The following FECH variants were observed in gnomAD, a reference collection of about 807,000 sequenced individuals.
The protein encoded by FECH is ferrochelatase, mitochondrial.
A neutral mutation model predicts 56.9 loss-of-function variants in FECH; 40 were observed. The observed-to-expected ratio is 0.70, with a 90% CI of 0.55 to 0.92. The LOEUF (loss-of-function observed/expected upper bound fraction) is 0.92, where lower values mean the gene tolerates loss of function less well. Among genes scored for constraint, FECH ranks in the 40% least tolerant of loss-of-function variants. The pLI, the probability that FECH is intolerant of heterozygous loss-of-function variation, is 0.00. For synonymous variants in FECH, 175 were observed against 198.6 expected (o/e 0.88, Z 1.00); for missense variants, 431 against 529.1 (o/e 0.81, Z 1.82).
intron 3 of FECH, among the ~76,000 whole-genome samples, chr18:57,572,591 G>GT (rs1443854208): frequency 6.5e-5 from 9 of 137,574 alleles, no homozygotes; most frequent in Non-Finnish European, 1.4e-4. Context: ...AACGAAGTGG[G>GT]GGGGGGGGTG....
In FECH at chr18:57,546,391, C is replaced by T. The variant is rs2050721404; in HGVS notation, c.*4321G>A. Among the ~76,000 whole-genome samples the T allele has an allele frequency of 6.6e-6, 1 of 152,120 alleles. No individual in the cohort carries two copies. The highest frequency in any genetic ancestry group is 2.4e-5 in the African/African-American group (1 of 41,432). On this transcript the variant is annotated 3_prime_UTR_variant, in exon 11 of 11. Coordinates refer to ENST00000262093, the MANE Select transcript of FECH (RefSeq NM_000140.5). ...GCAGAGCCCCTAGGAATGCAGGTGCCCCCAGTCATCTACACTCTGAGCAGG... is the reference window on the plus strand; with the variant it reads ...GCAGAGCCCCTAGGAATGCAGGTGCTCCCAGTCATCTACACTCTGAGCAGG...
chr18:57,560,569 T>C (rs887935250), intron 6 of FECH, among the ~76,000 whole-genome samples: 2 of 152,214 alleles, frequency 1.3e-5, no homozygotes, highest in Non-Finnish European at 2.9e-5. Flanking sequence ...GAGGATCACC[T>C]GGGCCCAGAA....
Position 57,559,154 on chromosome 18 carries a change from C to T in FECH, c.795G>A (p.Leu265=), listed in dbSNP as rs1164886955. The change falls in exon 7 of 11, where the codon CTG becomes CTA. Residue 265 remains leucine, a synonymous_variant. Transcript: ENST00000262093. ...AAATGTTCTTACTTACAGACATGGGCAGTGAGTGAGCAGAAAACAGAATGA... is the reference window on the plus strand; with the variant it reads ...AAATGTTCTTACTTACAGACATGGGTAGTGAGTGAGCAGAAAACAGAATGA... ...EVVILFSAHS[L]PMSVVNRGDP... 1 of 1,609,052 alleles carries T rather than the reference C, an allele frequency of 6.2e-7. No individual in the cohort carries two copies. The highest frequency in any genetic ancestry group is 1.3e-5 in the African/African-American group (1 of 74,840).
intron 7 of FECH, among the ~76,000 whole-genome samples, chr18:57,555,588 A>C (rs766698432): frequency 2.6e-5 from 4 of 152,122 alleles, no homozygotes; most frequent in Non-Finnish European, 5.9e-5. Flanking sequence ...TTTCAATGCA[A>C]ATTTTAATGC....
chr18:57,584,626 A>G (rs2051337705), intron 1 of FECH, among the ~76,000 whole-genome samples: 1 of 151,948 alleles, frequency 6.6e-6, no homozygotes, highest in Non-Finnish European at 1.5e-5. Flanking sequence ...GGAGATGAGG[A>G]TTACTTCAAA....
In FECH at chr18:57,586,596, C is replaced by G. The variant is rs2051380901; in HGVS notation, c.25G>C (p.Ala9Pro). ...ACGCCCGCGGCGCGCAGGGCCGCAG[C>G]CATGTTTGCGCCGAGTGAACGCATT... MRSLGANM[A>P]AALRAAGVLL... Residue 9 changes from alanine (A) to proline (P), a missense_variant, in exon 1 of 11, where the codon GCT becomes CCT. By Grantham distance (27) the Ala-to-Pro change is conservative (BLOSUM62 -1). Coordinates refer to ENST00000262093, the MANE Select transcript of FECH (RefSeq NM_000140.5). 1 of 1,524,658 alleles carries G rather than the reference C, an allele frequency of 6.6e-7. No individual in the cohort carries two copies. Among genetic ancestry groups the G allele is most frequent in the Admixed American group, 2.0e-5 (1 of 50,800 alleles). The allele number at this position is 1,524,658 out of a possible 1,614,324, so 94.4% of individuals were successfully genotyped here.
intron 2 of FECH, among the ~76,000 whole-genome samples, chr18:57,576,478 G>A (rs2122342192): frequency 6.6e-6 from 1 of 152,198 alleles, no homozygotes; most frequent in African/African-American, 2.4e-5. Flanking sequence ...CAAAATCTGT[G>A]ACTCACAATA....
intron 1 of FECH, among the ~76,000 whole-genome samples, chr18:57,580,773 C>A (rs1231028502): frequency 6.6e-6 from 1 of 152,128 alleles, no homozygotes; most frequent in African/African-American, 2.4e-5. Context: ...GTCTCTACCA[C>A]CAAGGAGACA....
chr18:57,556,418 GC>G (rs1281376702), intron 7 of FECH, among the ~76,000 whole-genome samples: 4 of 152,112 alleles, frequency 2.6e-5, no homozygotes, highest in African/African-American at 4.8e-5. Flanking sequence ...TAAACAAGTG[GC>G]CAGGGATCAC....
intron 4 of FECH, among the ~76,000 whole-genome samples, chr18:57,568,923 A>G (rs886226831): frequency 6.6e-6 from 1 of 152,136 alleles, no homozygotes; most frequent in African/African-American, 2.4e-5. Context: ...GCCTCTCAGG[A>G]TTATCGCATT....
chr18:57,579,313 G>GTGTGTGTGTGTGTGTGTGTGTA (rs531089366), intron 2 of FECH, among the ~76,000 whole-genome samples: 1 of 143,768 alleles, frequency 7.0e-6, no homozygotes, highest in African/African-American at 2.6e-5. Context: ...GTGTGTGTGT[G>GTGTGTGTGTGTGTGTGTGTGTA]TATATATTCA....
At chr18:57,559,619 T>C (rs918782235) in intron 6 of FECH, among the ~76,000 whole-genome samples, 2 of 152,210 alleles carry the variant, frequency 1.3e-5, no homozygotes, top group Non-Finnish European at 2.9e-5. Flanking sequence ...GGAAAACAGC[T>C]TACAGGGTCT....
At chr18:57,573,087 TGA>T in intron 3 of FECH, 157 bp downstream of exon 3, 1 of 768,776 alleles carries the variant, frequency 1.3e-6, no homozygotes, top group Non-Finnish European at 2.1e-6. Context: ...TGCAATTTTC[TGA>T]TATCATATCC....
intron 2 of FECH, among the ~76,000 whole-genome samples, chr18:57,579,729 C>T (rs75665089): frequency 3.9e-5 from 6 of 152,302 alleles, no homozygotes; most frequent in African/African-American, 7.2e-5. Context: ...TTATCCTGTA[C>T]AGAACATACA....
chr18:57,566,658 A>G (rs1308755278), intron 4 of FECH, 77 bp from the exon 5 acceptor site: 29 of 1,549,270 alleles, frequency 1.9e-5, no homozygotes, highest in Non-Finnish European at 2.5e-5. Flanking sequence ...ACATAATGCA[A>G]TGCCCAGAAC....
At chr18:57,550,896 C>T (rs952595710) in intron 10 of FECH, 50 bp from the exon 11 acceptor site, 39 of 1,610,512 alleles carry the variant, frequency 2.4e-5, no homozygotes, top group Non-Finnish European at 3.2e-5. Flanking sequence ...AGGGTCTGCT[C>T]GTCTGCCATG....
Position 57,550,793 on chromosome 18 carries a change from C to G in FECH, c.1191G>C (p.Lys397Asn). The G allele has an allele frequency of 6.2e-7, 1 of 1,614,138 alleles. No individual in the cohort carries two copies. The highest frequency in any genetic ancestry group is 8.5e-7 in the Non-Finnish European group (1 of 1,180,018). Residue 397 changes from lysine (K) to asparagine (N), a missense_variant, in exon 11 of 11, where the codon AAG becomes AAC. Physicochemically the swap from Lys to Asn is moderately conservative, Grantham distance 94 (BLOSUM62 0). Coordinates refer to ENST00000262093, the MANE Select transcript of FECH (RefSeq NM_000140.5). Reference protein sequence around the residue: ...SHIQSNELCSKQLTLSCPLCV... With the variant: ...SHIQSNELCSNQLTLSCPLCV... ...AGAGCGGACAGCTCAGGGTCAGCTG[C>G]TTGGAACACAGCTCGTTTGACTGGA...
At chr18:57,566,665 G>T in intron 4 of FECH, 84 bp from the exon 5 acceptor site, 1 of 1,507,988 alleles carries the variant, frequency 6.6e-7, no homozygotes, top group South Asian at 1.1e-5. Context: ...GCAATGCCCA[G>T]AACAAAGAAC....
chr18:57,580,285 T>TA (rs2051258639), intron 1 of FECH, 86 bp from the exon 2 acceptor site: 2 of 1,530,462 alleles, frequency 1.3e-6, no homozygotes, highest in Non-Finnish European at 1.8e-6. Flanking sequence ...TTCCTGACTT[T>TA]AAAATTTAAA....
Sources: gnomAD v4.1 joint callset for allele counts (sites outside exome capture counted in the v4.1 genomes callset) on GRCh38, gnomAD v4.1.1 for gene constraint, MANE v1.5 for transcripts, NCBI Gene and HGNC (gene_info 2026-07-23, HGNC 2026-07-21) for gene names.